Variants in COL8A1 observed in about 807,000 individuals in gnomAD.
The protein encoded by COL8A1 is collagen type VIII alpha 1 chain, also known as collagen alpha-1(VIII) chain.
COL8A1 carries 21 observed loss-of-function variants against 42.7 expected under a neutral mutation model. The observed-to-expected ratio is 0.49, with a 90% CI of 0.35 to 0.71. The LOEUF (loss-of-function observed/expected upper bound fraction) is 0.71. COL8A1 is among the 30% of genes least tolerant of loss of function. COL8A1 has a pLI of 0.01. For missense variants in COL8A1, 788 were observed against 962.4 expected, an observed-to-expected ratio of 0.82 and a Z score of 2.40; for synonymous variants, 367 against 369.1, an observed-to-expected ratio of 0.99 and a Z score of 0.06.
chr3:99,663,299 G>A (rs938517249), intron 1 of COL8A1, among the ~76,000 whole-genome samples: 5 of 152,074 alleles, frequency 3.3e-5, no homozygotes, highest in African/African-American at 7.2e-5. Context: ...CCGAGCAGCT[G>A]AAACTACAGG....
In COL8A1 at chr3:99,680,860, A is replaced by G. The variant is rs187104830; in HGVS notation, c.-129+42196A>G. Among the ~76,000 whole-genome samples the G allele has an allele frequency of 5.3e-5, 8 of 152,206 alleles. No individual in the cohort carries two copies. In the East Asian group the frequency reaches 1.3e-3, roughly 26 times the overall value. On this transcript the variant is annotated intron_variant, in intron 1 of 3. Coordinates refer to ENST00000652472, the MANE Select transcript of COL8A1 (RefSeq NM_020351.4). ...CACATCTACAACCATCTGATCTCTG[A>G]CAAACCTTACAGAAACAAGAAATGG...
intron 2 of COL8A1, among the ~76,000 whole-genome samples, chr3:99,784,435 C>G (rs572121852): frequency 6.6e-6 from 1 of 152,206 alleles, no homozygotes; most frequent in East Asian, 1.9e-4. Context: ...GAGAGATGCA[C>G]CATTAACTGA....
chr3:99,796,564 G>C lies in COL8A1; in HGVS notation c.*428G>C, dbSNP rs1374029329. 6.5e-6 allele frequency: 1 copy of C among 154,056 alleles called. No individual in the cohort carries two copies. Among genetic ancestry groups the C allele is most frequent in the Non-Finnish European group, 1.4e-5 (1 of 69,362 alleles). 9.5% of individuals were successfully genotyped at this position (154,056 alleles called of 1,614,324 possible). ...ATACAAATGATAACAATTACATACC[G>C]TATTTACTTGCTTAATTTCCTCTGT... On this transcript the variant is annotated 3_prime_UTR_variant, in exon 4 of 4. Coordinates refer to ENST00000652472, the MANE Select transcript of COL8A1 (RefSeq NM_020351.4).
intron 1 of COL8A1, among the ~76,000 whole-genome samples, chr3:99,716,841 G>A (rs1230332573): frequency 1.3e-5 from 2 of 152,070 alleles, no homozygotes; most frequent in East Asian, 3.9e-4. Flanking sequence ...TAGTCATAAG[G>A]TTGTTCAGTC....
chr3:99,772,200 C>A (rs1272625871), intron 2 of COL8A1, among the ~76,000 whole-genome samples: 1 of 152,106 alleles, frequency 6.6e-6, no homozygotes, highest in African/African-American at 2.4e-5. Context: ...ATCTTAAGTG[C>A]ATATTACTAA....
intron 1 of COL8A1, among the ~76,000 whole-genome samples, chr3:99,716,341 A>G (rs537761734): frequency 1.3e-5 from 2 of 152,202 alleles, no homozygotes; most frequent in African/African-American, 4.8e-5. Context: ...CTCACCCATC[A>G]GACCAGCATC....
Position 99,728,307 on chromosome 3 carries a change from C to T in COL8A1, c.-128-16590C>T, listed in dbSNP as rs1037756418. On this transcript the variant is annotated intron_variant, in intron 1 of 3. Transcript: ENST00000652472. ...ACTTCAGCAAAGTCTCAGGATCTAC[C>T]TGCTCGTTCTACCAAGATTCTAGAG... Among the ~76,000 whole-genome samples, 16 of 152,056 alleles carry T rather than the reference C, an allele frequency of 1.1e-4. 1 individual carries two copies. The highest frequency in any genetic ancestry group is 2.2e-4 in the Non-Finnish European group (15 of 67,990).
chr3:99,794,753 C>A lies in COL8A1; in HGVS notation c.852C>A (p.Gly284=), dbSNP rs1300868441. The A allele has an allele frequency of 2.5e-6, 4 of 1,596,992 alleles. No individual in the cohort carries two copies. Among genetic ancestry groups the A allele is most frequent in the Non-Finnish European group, 3.4e-6 (4 of 1,173,940 alleles). ...PGVTGFPGPQ[G]PLGKPGAPGE... ...TGACAGGCTTCCCTGGGCCCCAGGGCCCCCTGGGAAAGCCAGGGGCTCCAG... is the reference window on the plus strand; with the variant it reads ...TGACAGGCTTCCCTGGGCCCCAGGGACCCCTGGGAAAGCCAGGGGCTCCAG... Residue 284 remains glycine, a synonymous_variant, in exon 4 of 4, where the codon GGC becomes GGA. Coordinates refer to ENST00000652472, the MANE Select transcript of COL8A1 (RefSeq NM_020351.4). This position sits in a 1 kb window ranked among gnomAD's most constrained non-coding sequence, Gnocchi z 4.3.
chr3:99,797,035 A>C lies in COL8A1; in HGVS notation c.*899A>C, dbSNP rs1942120324. The stretch of plus-strand genomic sequence containing the variant: ...CAACTAATATAAACACCTGGAAATT[A>C]CAAGGAAAAAAAATTCTTCCTCTAA... On this transcript the variant is annotated 3_prime_UTR_variant, in exon 4 of 4. Transcript: ENST00000652472. 6.6e-6 allele frequency: 1 copy of C among 152,212 alleles called. No individual in the cohort carries two copies. The highest frequency in any genetic ancestry group is 6.5e-5 in the Admixed American group (1 of 15,284). 9.4% of individuals were successfully genotyped at this position (152,212 alleles called of 1,614,324 possible).
chr3:99,649,826 A>G (rs1161858164), intron 1 of COL8A1, among the ~76,000 whole-genome samples: 1 of 151,996 alleles, frequency 6.6e-6, no homozygotes, highest in Non-Finnish European at 1.5e-5. Flanking sequence ...CAGTGTTACT[A>G]GGCTTTGACT....
rs190290112 is a variant in COL8A1, at chr3:99,648,871, T to A, written c.-129+10207T>A. Among the ~76,000 whole-genome samples the A allele has an allele frequency of 1.4e-3, 211 of 152,086 alleles. 1 individual carries two copies. The highest frequency in any genetic ancestry group is 4.7e-3 in the African/African-American group (196 of 41,486). On this transcript the variant is annotated intron_variant, in intron 1 of 3. Transcript: ENST00000652472. The stretch of plus-strand genomic sequence containing the variant: ...AAATGTTTCCCCCAAGCCATGAGAG[T>A]CACCTAGGAAAATGTCTATGTTGTC...
intron 1 of COL8A1, among the ~76,000 whole-genome samples, chr3:99,640,906 C>T (rs1056640212): frequency 4.6e-5 from 7 of 152,210 alleles, no homozygotes; most frequent in Non-Finnish European, 8.8e-5. Context: ...CTATACCCAA[C>T]CAATGCCATT....
chr3:99,672,872 C>T (rs968942320), intron 1 of COL8A1, among the ~76,000 whole-genome samples: 1 of 152,010 alleles, frequency 6.6e-6, no homozygotes, highest in Non-Finnish European at 1.5e-5. Flanking sequence ...GAGCTCTATA[C>T]ATTTCACCAG....
At chr3:99,668,753 T>A (rs114390512) in intron 1 of COL8A1, among the ~76,000 whole-genome samples, 15,046 of 152,046 alleles carry the variant, frequency 0.099, 856 homozygotes, top group Non-Finnish European at 0.14. Flanking sequence ...TCAGAAAAAA[T>A]TTAATAAGTA....
At chr3:99,696,095 C>T (rs978652753) in intron 1 of COL8A1, among the ~76,000 whole-genome samples, 7 of 152,198 alleles carry the variant, frequency 4.6e-5, no homozygotes, top group African/African-American at 1.7e-4. Context: ...GATTGCACCA[C>T]TGCACTCCGG....
At chr3:99,659,330 G>A (rs556060790) in intron 1 of COL8A1, among the ~76,000 whole-genome samples, 149 of 152,298 alleles carry the variant, frequency 9.8e-4, no homozygotes, top group Admixed American at 4.1e-3. Context: ...AACTTCTCAC[G>A]GCTGCCTCCC....
intron 2 of COL8A1, among the ~76,000 whole-genome samples, chr3:99,785,248 G>A (rs1423990866): frequency 6.6e-6 from 1 of 152,172 alleles, no homozygotes. Context: ...AACCTCTGTA[G>A]GTAGAATTTT....
At chr3:99,774,714 G>A (rs1195027611) in intron 2 of COL8A1, among the ~76,000 whole-genome samples, 1 of 152,140 alleles carries the variant, frequency 6.6e-6, no homozygotes, top group Non-Finnish European at 1.5e-5. Flanking sequence ...TCTGAGCAGT[G>A]AACTCCTCAG....
At chr3:99,686,630 T>A (rs770571813) in intron 1 of COL8A1, among the ~76,000 whole-genome samples, 28 of 152,224 alleles carry the variant, frequency 1.8e-4, no homozygotes, top group Admixed American at 6.5e-4. Flanking sequence ...CTGCTATAAG[T>A]GCTCAGTGTG....
Sources: allele counts gnomAD v4.1 joint callset (sites outside exome capture counted in the v4.1 genomes callset), GRCh38; gene constraint gnomAD v4.1.1; non-coding constraint Gnocchi (gnomAD v3.1); transcripts MANE v1.5; gene names NCBI Gene and HGNC (gene_info 2026-07-23, HGNC 2026-07-21).